The following SPOCK3 variants were observed in gnomAD, a reference collection of about 807,000 sequenced individuals.
SPOCK3 encodes the protein SPARC (osteonectin), cwcv and kazal like domains proteoglycan 3.
SPOCK3 carries 30 observed loss-of-function variants against 56.6 expected under a neutral mutation model. That is an observed-to-expected ratio of 0.53 (90% CI 0.40 to 0.72). The LOEUF (loss-of-function observed/expected upper bound fraction) is 0.72, where lower values mean the gene tolerates loss of function less well. Among genes scored for constraint, SPOCK3 ranks in the 30% least tolerant of loss-of-function variants. The probability of loss-of-function intolerance (pLI) is 0.00; values close to 1 mark genes in which losing one functional copy is unlikely to be tolerated. For missense variants in SPOCK3, 527 were observed against 530.0 expected (o/e 0.99, Z 0.06); for synonymous variants, 196 against 183.3 (o/e 1.07, Z -0.56).
Position 166,747,011 on chromosome 4 carries a change from A to G in SPOCK3, c.932-4952T>C, listed in dbSNP as rs546655402. 7.2e-5 allele frequency among the ~76,000 whole-genome samples: 11 copies of G among 152,318 alleles called. 1 individual carries two copies. The South Asian group carries it at 2.3e-3, about 32-fold the overall frequency. On this transcript the variant is annotated intron_variant, in intron 8 of 10. Coordinates refer to ENST00000357545, the MANE Select transcript of SPOCK3 (RefSeq NM_001040159.2). ...TAATTAAGAGCCTACCAACCAAAAA[A>G]AGTCCAGGACCAGATGGATTCACAG...
intron 4 of SPOCK3, among the ~76,000 whole-genome samples, chr4:166,974,491 T>A (rs1000115627): frequency 6.6e-6 from 1 of 152,164 alleles, no homozygotes; most frequent in Non-Finnish European, 1.5e-5. Flanking sequence ...TTAATCCTCA[T>A]AACAAATGTT....
At chr4:167,162,302 GAGACTTAGCCCC>G (rs879404779) in intron 2 of SPOCK3, among the ~76,000 whole-genome samples, 1 of 151,956 alleles carries the variant, frequency 6.6e-6, no homozygotes, top group African/African-American at 2.4e-5. Flanking sequence ...TTTGTTATAG[GAGACTTAGCCCC>G]AGACTTAGCA....
Position 167,192,559 on chromosome 4 carries a change from C to A in SPOCK3, c.189+41426G>T, listed in dbSNP as rs982243585. On this transcript the variant is annotated intron_variant, in intron 2 of 10. Transcript: ENST00000357545. ...ATTTATCTATTTTATTTAAGAAAAA[C>A]GCTCTTACCTTTACCATTATTTTCT... 1.4e-5 allele frequency among the ~76,000 whole-genome samples: 2 copies of A among 145,372 alleles called. 1 individual carries two copies. The highest frequency in any genetic ancestry group is 3.0e-5 in the Non-Finnish European group (2 of 66,732).
intron 2 of SPOCK3, among the ~76,000 whole-genome samples, chr4:167,122,617 T>G (rs1761960079): frequency 1.3e-5 from 2 of 152,176 alleles, no homozygotes; most frequent in Non-Finnish European, 1.5e-5. Context: ...CCCATTCTGA[T>G]GAATATAATA....
intron 4 of SPOCK3, among the ~76,000 whole-genome samples, chr4:166,966,108 G>A (rs182870281): frequency 3.9e-5 from 6 of 152,090 alleles, no homozygotes; most frequent in Admixed American, 3.3e-4. Flanking sequence ...ATGTAGCTTA[G>A]CTTCTTTCAC....
intron 2 of SPOCK3, among the ~76,000 whole-genome samples, chr4:167,145,591 G>T (rs570238124): frequency 1.3e-5 from 2 of 152,100 alleles, no homozygotes; most frequent in South Asian, 4.1e-4. Context: ...CAAGAGTGTG[G>T]TTTCTCAGAA....
At chr4:166,799,266 G>A (rs1340264898) in intron 6 of SPOCK3, among the ~76,000 whole-genome samples, 1 of 152,154 alleles carries the variant, frequency 6.6e-6, no homozygotes, top group Non-Finnish European at 1.5e-5. Flanking sequence ...TACCTGTCAA[G>A]ATTTGGCTTA....
intron 8 of SPOCK3, among the ~76,000 whole-genome samples, chr4:166,751,965 A>C (rs906828909): frequency 6.6e-6 from 1 of 152,174 alleles, no homozygotes; most frequent in Non-Finnish European, 1.5e-5. Context: ...CTCAATTAAA[A>C]TTATAACATT....
chr4:166,947,087 T>A (rs1469788016), intron 4 of SPOCK3, among the ~76,000 whole-genome samples: 1 of 152,180 alleles, frequency 6.6e-6, no homozygotes, highest in Non-Finnish European at 1.5e-5. Context: ...TATTTTTTTT[T>A]AAGAAATTAG....
At chr4:166,840,776 T>TTTTG (rs1387418347) in intron 6 of SPOCK3, among the ~76,000 whole-genome samples, 2 of 136,136 alleles carry the variant, frequency 1.5e-5, no homozygotes, top group African/African-American at 5.6e-5. Context: ...CAAAAGTTTT[T>TTTTG]TTTTTTTTTT....
intron 4 of SPOCK3, among the ~76,000 whole-genome samples, chr4:166,917,920 AAAC>A (rs1278204802): frequency 6.6e-6 from 1 of 152,200 alleles, no homozygotes; most frequent in Non-Finnish European, 1.5e-5. Context: ...TAATCTCATA[AAAC>A]AACATTCAAG....
chr4:166,895,901 G>C (rs1735330138), intron 5 of SPOCK3, among the ~76,000 whole-genome samples: 1 of 152,020 alleles, frequency 6.6e-6, no homozygotes, highest in African/African-American at 2.4e-5. Flanking sequence ...GTCTCCCCTT[G>C]AGTAAATCTG....
intron 3 of SPOCK3, among the ~76,000 whole-genome samples, chr4:167,058,355 A>C (rs1436146485): frequency 7.2e-5 from 11 of 152,182 alleles, no homozygotes; most frequent in Non-Finnish European, 1.5e-4. Flanking sequence ...TTACACCAAT[A>C]ACAGGCAAAC....
At chr4:167,013,923 G>A (rs1040811371) in intron 3 of SPOCK3, among the ~76,000 whole-genome samples, 1 of 152,132 alleles carries the variant, frequency 6.6e-6, no homozygotes, top group Non-Finnish European at 1.5e-5. Flanking sequence ...GGGAGGTAGT[G>A]CATAAACACA....
intron 2 of SPOCK3, among the ~76,000 whole-genome samples, chr4:167,161,713 A>C (rs913443080): frequency 2.0e-5 from 3 of 152,186 alleles, no homozygotes; most frequent in Non-Finnish European, 2.9e-5. Flanking sequence ...TGCAGCCACA[A>C]AAAATGATGA....
intron 6 of SPOCK3, among the ~76,000 whole-genome samples, chr4:166,852,636 A>G (rs1730245552): frequency 6.6e-6 from 1 of 152,062 alleles, no homozygotes; most frequent in Admixed American, 6.6e-5. Context: ...TCCTTCCTCA[A>G]AGTGTTTGTT....
At chr4:166,920,087 G>T (rs1738321519) in intron 4 of SPOCK3, among the ~76,000 whole-genome samples, 1 of 152,042 alleles carries the variant, frequency 6.6e-6, no homozygotes, top group Admixed American at 6.6e-5. Context: ...TCAAGTCTCT[G>T]GTGCGTACAA....
intron 5 of SPOCK3, among the ~76,000 whole-genome samples, chr4:166,908,082 C>A (rs1398915605): frequency 6.6e-6 from 1 of 151,792 alleles, no homozygotes; most frequent in Non-Finnish European, 1.5e-5. Flanking sequence ...AAATTATCTA[C>A]CTTTCAAAAT....
rs373161047 is a variant in SPOCK3 at position 167,226,572 on chromosome 4, T to C, written c.189+7413A>G. Among the ~76,000 whole-genome samples the C allele has an allele frequency of 1.3e-3, 205 of 152,286 alleles. 1 individual carries two copies. Among genetic ancestry groups the C allele is most frequent in the African/African-American group, 4.8e-3 (199 of 41,566 alleles). On this transcript the variant is annotated intron_variant, in intron 2 of 10. Transcript: ENST00000357545. ...CAACATTTTCTCCGAGTATTGAGTATCGCTTGCTTTCTTTTAGTGCTGATC... is the reference window on the plus strand; with the variant it reads ...CAACATTTTCTCCGAGTATTGAGTACCGCTTGCTTTCTTTTAGTGCTGATC...
Sources: allele counts gnomAD v4.1 joint callset (sites outside exome capture counted in the v4.1 genomes callset), GRCh38; gene constraint gnomAD v4.1.1; transcripts MANE v1.5; gene names NCBI Gene and HGNC (gene_info 2026-07-23, HGNC 2026-07-21).